MIA2: variants seen among roughly 807,000 people sequenced by gnomAD.
MIA2 encodes the protein melanoma inhibitory activity protein 2.
MIA2 carries 127 observed loss-of-function variants against 167.8 expected under a neutral mutation model. The ratio of observed to expected loss-of-function variants is 0.76; its 90% CI spans 0.66 to 0.88. The LOEUF is 0.88. Among genes scored for constraint, MIA2 ranks in the 40% least tolerant of loss-of-function variants. MIA2 has a pLI of 0.00. For synonymous variants in MIA2, 552 were observed against 541.9 expected (o/e 1.02, Z -0.26); for missense variants, 1,690 against 1,624.7 (o/e 1.04, Z -0.69).
At chr14:39,372,842 A>G (rs1182651112) in intron 23 of MIA2, among the ~76,000 whole-genome samples, 1 of 152,218 alleles carries the variant, frequency 6.6e-6, no homozygotes, top group Non-Finnish European at 1.5e-5. Context: ...ACTGAACTGT[A>G]GTAATACTTA....
intron 18 of MIA2, among the ~76,000 whole-genome samples, chr14:39,311,462 GTTGCTTTT>G (rs2064229424): frequency 9.1e-6 from 1 of 110,066 alleles, no homozygotes; most frequent in Admixed American, 1.0e-4. Context: ...AGCTTGATGT[GTTGCTTTT>G]TTTTTTTTTT....
intron 23 of MIA2, among the ~76,000 whole-genome samples, chr14:39,359,239 G>T (rs1293162338): frequency 6.6e-6 from 1 of 152,188 alleles, no homozygotes; most frequent in Non-Finnish European, 1.5e-5. Context: ...ACCTGCTCAA[G>T]CCTCAGCAAT....
intron 23 of MIA2, among the ~76,000 whole-genome samples, chr14:39,319,541 A>G (rs112859122): frequency 6.6e-6 from 1 of 151,968 alleles, no homozygotes; most frequent in Admixed American, 6.6e-5. Context: ...CATATTTAGT[A>G]CTTTGAGCTC....
At chr14:39,269,350 C>T (rs1272995892) in intron 6 of MIA2, among the ~76,000 whole-genome samples, 2 of 151,748 alleles carry the variant, frequency 1.3e-5, no homozygotes, top group Non-Finnish European at 2.9e-5. Flanking sequence ...TAATTCCCAC[C>T]CCTCATCCCT....
intron 1 of MIA2, among the ~76,000 whole-genome samples, chr14:39,235,057 A>G (rs961330539): frequency 6.7e-6 from 1 of 149,354 alleles, no homozygotes; most frequent in Non-Finnish European, 1.5e-5. Context: ...TTTTTCTGAG[A>G]TGGAGTCTTG....
At chr14:39,243,385 A>G (rs1382111062) in intron 3 of MIA2, among the ~76,000 whole-genome samples, 1 of 152,164 alleles carries the variant, frequency 6.6e-6, no homozygotes, top group Admixed American at 6.5e-5. Context: ...ACTATTCTAA[A>G]CACTTGACTC....
At chr14:39,290,891 C>G in intron 9 of MIA2, 128 bp from the exon 10 acceptor site, 1 of 865,838 alleles carries the variant, frequency 1.2e-6, no homozygotes, top group Non-Finnish European at 1.8e-6. Flanking sequence ...AAACTTAAAG[C>G]TAAGTAAATC....
At chr14:39,358,071 C>G (rs2074576921) in intron 23 of MIA2, among the ~76,000 whole-genome samples, 1 of 152,074 alleles carries the variant, frequency 6.6e-6, no homozygotes, top group South Asian at 2.1e-4. Context: ...GTGGTGGTCT[C>G]TGTATTTCCT....
rs201478555 is a variant in MIA2 at position 39,260,890 on chromosome 14, T to C, written c.1887+7719T>C. On this transcript the variant is annotated intron_variant, in intron 6 of 28. Transcript: ENST00000640607. Reference sequence around the variant, plus strand: ...ATCTTGAGTTAATTTTTGTATAAGGTGTAAGGAAGGGATCCAGTTTCAGCT... The same window carrying C: ...ATCTTGAGTTAATTTTTGTATAAGGCGTAAGGAAGGGATCCAGTTTCAGCT... Among the ~76,000 whole-genome samples, 14 of 152,280 alleles carry C rather than the reference T, an allele frequency of 9.2e-5. No homozygotes were observed. In the East Asian group the frequency reaches 1.9e-3, roughly 21 times the overall value.
chr14:39,386,303 G>T, intron 23 of MIA2: 1 of 1,485,092 alleles, frequency 6.7e-7, no homozygotes, highest in Non-Finnish European at 9.4e-7. Flanking sequence ...GGCCTCCAAA[G>T]TGACTGTGCT....
chr14:39,332,616 G>A (rs1434131481), intron 25 of MIA2, among the ~76,000 whole-genome samples: 2 of 152,118 alleles, frequency 1.3e-5, no homozygotes. Flanking sequence ...CCTTCGGATG[G>A]AGTTTTTGCT....
In MIA2 at chr14:39,248,127, C is replaced by A; in HGVS notation, c.1553C>A (p.Ser518Ter). The A allele has an allele frequency of 6.8e-7, 1 of 1,471,048 alleles. No individual in the cohort carries two copies. The highest frequency in any genetic ancestry group is 1.4e-5 in the South Asian group (1 of 70,330). 91.1% of individuals were successfully genotyped at this position (1,471,048 alleles called of 1,614,324 possible). ...ACAAAAGTTATGATATTCAAAAGTT[C>A]ATACAGTCTGTCAGGTTGGTATGAA... ...DNTKVMIFKS[S>*]YSLSDMVSNI... The change falls in exon 4 of 29, where the codon TCA (serine) becomes TAA (stop). Residue 518 changes from serine to a stop codon, truncating the protein, a stop_gained. Transcript: ENST00000640607. LOFTEE classifies it high-confidence loss of function.
intron 9 of MIA2, among the ~76,000 whole-genome samples, chr14:39,284,753 T>C (rs532401682): frequency 1.3e-5 from 2 of 151,458 alleles, no homozygotes; most frequent in Non-Finnish European, 2.9e-5. Flanking sequence ...TTTTTTTCTT[T>C]TTTTTATTTT....
At chr14:39,267,042 A>G (rs1317796976) in intron 6 of MIA2, 2 of 1,027,150 alleles carry the variant, frequency 1.9e-6, no homozygotes, top group Non-Finnish European at 1.2e-6. Context: ...TTCGCCAGGT[A>G]GAGCGCCGGC....
intron 13 of MIA2, among the ~76,000 whole-genome samples, chr14:39,297,830 C>T (rs1234125099): frequency 1.3e-5 from 2 of 152,006 alleles, no homozygotes; most frequent in East Asian, 3.9e-4. Flanking sequence ...TCCTTTTTTC[C>T]AGTCCTGCTT....
At position 39,379,857 on chromosome 14, in the gene MIA2, A is replaced by C. The variant is rs546791397; in HGVS notation, c.2249-7028A>C. ...AGAGCAAGACTATGTCTCAAAAAAA[A>C]CCCAAAAACCTTAAATTACCTTAAA... On this transcript the variant is annotated intron_variant, in intron 23 of 23. Transcript: ENST00000341502. 2.4e-4 allele frequency among the ~76,000 whole-genome samples: 36 copies of C among 152,124 alleles called. No individual in the cohort carries two copies. In the East Asian group the frequency reaches 2.5e-3, roughly 11 times the overall value.
chr14:39,382,887 CAA>C (rs2075195035), intron 23 of MIA2, among the ~76,000 whole-genome samples: 1 of 134,428 alleles, frequency 7.4e-6, no homozygotes, highest in African/African-American at 2.9e-5. Context: ...GGTACAATAA[CAA>C]GATAAGAATT....
intron 3 of MIA2, among the ~76,000 whole-genome samples, chr14:39,241,916 T>G (rs2054060560): frequency 6.6e-6 from 1 of 152,190 alleles, no homozygotes; most frequent in Non-Finnish European, 1.5e-5. Context: ...CTTTTGACTG[T>G]TCTTAGAACA....
At chr14:39,305,905 C>T (rs2063265786) in intron 17 of MIA2, among the ~76,000 whole-genome samples, 1 of 149,418 alleles carries the variant, frequency 6.7e-6, no homozygotes, top group African/African-American at 2.5e-5. Flanking sequence ...CACTGCACTC[C>T]AGCCTAGGCA....
Sources: allele counts gnomAD v4.1 joint callset (sites outside exome capture counted in the v4.1 genomes callset), GRCh38; gene constraint gnomAD v4.1.1; transcripts MANE v1.5; gene names NCBI Gene and HGNC (gene_info 2026-07-23, HGNC 2026-07-21).